The following CROCC2 variants were observed in gnomAD, a reference collection of about 807,000 sequenced individuals.
The protein encoded by CROCC2 is ciliary rootlet coiled-coil protein 2.
A neutral mutation model predicts 177.6 loss-of-function variants in CROCC2; 163 were observed. The observed-to-expected ratio is 0.92, with a 90% CI of 0.81 to 1.05. The LOEUF is 1.05. Among genes scored for constraint, CROCC2 ranks in the 50% least tolerant of loss-of-function variants. The pLI is 0.00. For missense variants in CROCC2, 1,929 were observed against 1,797.8 expected (o/e 1.07, Z -1.32); for synonymous variants, 904 against 787.3 (o/e 1.15, Z -2.48).
intron 1 of CROCC2, among the ~76,000 whole-genome samples, chr2:240,915,453 C>T (rs1408803519): frequency 1.3e-5 from 2 of 152,232 alleles, no homozygotes; most frequent in South Asian, 2.1e-4. Context: ...AGAGCCTCAG[C>T]CCCTGGCCCT....
chr2:240,917,531 C>T lies in CROCC2; in HGVS notation c.79-1195C>T, dbSNP rs190815463. Among the ~76,000 whole-genome samples, 3 of 152,246 alleles carry T rather than the reference C, an allele frequency of 2.0e-5. No homozygotes were observed. The highest frequency in any genetic ancestry group is 2.0e-4 in the Admixed American group (3 of 15,302). On this transcript the variant is annotated intron_variant, in intron 1 of 31. Transcript: ENST00000690015. The surrounding 1 kb of genome is among the most constrained non-coding windows in gnomAD (Gnocchi z 4.9). The stretch of plus-strand genomic sequence containing the variant: ...CAGGAGGCAGCCAGGTGGTCACCCA[C>T]GTGGACCCTGGTCAGGAGGAAAATC...
intron 13 of CROCC2, 135 bp downstream of exon 13, chr2:240,935,197 G>C: frequency 1.6e-6 from 2 of 1,227,222 alleles, no homozygotes; most frequent in Non-Finnish European, 2.1e-6. Context: ...GGACAAGGGA[G>C]CCTGACTAGC....
At chr2:240,933,540 G>T in intron 10 of CROCC2, 130 bp from the exon 11 acceptor site, 1 of 1,193,208 alleles carries the variant, frequency 8.4e-7, no homozygotes, top group Non-Finnish European at 1.2e-6. Context: ...GACCCTGTCT[G>T]CTTCTCAGGC....
intron 1 of CROCC2, among the ~76,000 whole-genome samples, chr2:240,914,863 T>C (rs2059310003): frequency 6.6e-6 from 1 of 152,206 alleles, no homozygotes; most frequent in African/African-American, 2.4e-5. Flanking sequence ...CCGTCCCTGC[T>C]TCAGATGGCT....
In CROCC2 at chr2:240,935,342, C is replaced by A. The variant is rs79986358; in HGVS notation, c.1939-16C>A. On this transcript the variant is annotated splice_polypyrimidine_tract_variant and intron_variant, in intron 13 of 31. Coordinates refer to ENST00000690015, the MANE Select transcript of CROCC2 (RefSeq NM_001351305.2). ...ATGGGGGGAGTGGATGCAGAGCCCC[C>A]GACACCTGGTGGCAGCTGGAGCAGG... 1 of 1,355,464 alleles carries A rather than the reference C, an allele frequency of 7.4e-7. No homozygotes were observed. Among genetic ancestry groups the A allele is most frequent in the East Asian group, 3.0e-5 (1 of 33,828 alleles). The allele number at this position is 1,355,464 out of a possible 1,614,324, so 84.0% of individuals were successfully genotyped here. A position where few individuals can be genotyped will look rare whatever the true frequency, so the allele number is the denominator to read the frequency against.
chr2:240,914,396 G>A (rs989829785), intron 1 of CROCC2, among the ~76,000 whole-genome samples: 6 of 152,238 alleles, frequency 3.9e-5, no homozygotes, highest in Non-Finnish European at 7.3e-5. Context: ...CCTGCGGGCC[G>A]ATGCTGGCGC....
At chr2:240,928,846 C>T (rs2059410727) in intron 5 of CROCC2, among the ~76,000 whole-genome samples, 1 of 145,284 alleles carries the variant, frequency 6.9e-6, no homozygotes, top group African/African-American at 2.5e-5. Flanking sequence ...GTGTAATGCA[C>T]ACAGAGGGGC....
intron 27 of CROCC2, among the ~76,000 whole-genome samples, chr2:240,969,861 G>GTCGGGAT (rs2059709359): frequency 6.6e-6 from 1 of 151,992 alleles, no homozygotes; most frequent in Admixed American, 6.6e-5. Context: ...TTCCCAAGTA[G>GTCGGGAT]TCGGGATTAC....
intron 22 of CROCC2, 143 bp downstream of exon 22, chr2:240,964,768 C>A: frequency 5.7e-6 from 6 of 1,048,918 alleles, no homozygotes; most frequent in Non-Finnish European, 8.1e-6. Flanking sequence ...ACGCCCTGCT[C>A]AGGCTCACAG....
At chr2:240,940,669 G>A (rs2059490524) in intron 14 of CROCC2, among the ~76,000 whole-genome samples, 1 of 152,140 alleles carries the variant, frequency 6.6e-6, no homozygotes, top group Non-Finnish European at 1.5e-5. Flanking sequence ...AAAACCCTCA[G>A]GAAAGTCGGC....
chr2:240,954,953 T>G lies in CROCC2; in HGVS notation c.2830-906T>G, dbSNP rs566395412. 8 of 152,348 alleles carry G rather than the reference T, an allele frequency of 5.3e-5. No individual in the cohort carries two copies. The East Asian group carries it at 1.4e-3, about 26-fold the overall frequency. The allele number at this position is 152,348 out of a possible 1,614,324, so 9.4% of individuals were successfully genotyped here. On this transcript the variant is annotated intron_variant, in intron 18 of 31. Transcript: ENST00000690015. The stretch of plus-strand genomic sequence containing the variant: ...CAAAGACCTGATACATCTTCTGTTA[T>G]GCAACACCCTCCAAAGATTGCTTGC...
intron 14 of CROCC2, among the ~76,000 whole-genome samples, chr2:240,936,663 C>T (rs2059473081): frequency 6.6e-6 from 1 of 152,222 alleles, no homozygotes; most frequent in Admixed American, 6.5e-5. Flanking sequence ...TTCCTTGACC[C>T]TGCCTACAAA....
Position 240,967,373 on chromosome 2 carries a change from T to C in CROCC2, c.4175T>C (p.Leu1392Pro). The C allele has an allele frequency of 2.5e-6, 2 of 787,360 alleles. No homozygotes were observed. Among genetic ancestry groups the C allele is most frequent in the Non-Finnish European group, 4.4e-6 (2 of 451,026 alleles). The allele number at this position is 787,360 out of a possible 1,614,324, so 48.8% of individuals were successfully genotyped here. A position where few individuals can be genotyped will look rare whatever the true frequency, so the allele number is the denominator to read the frequency against. Reference sequence around the variant, plus strand: ...GACTCCCGCATCCAGATGGCGACCCTGAGCAGCCGGCTGAGCGAGGCAGAG... The same window carrying C: ...GACTCCCGCATCCAGATGGCGACCCCGAGCAGCCGGCTGAGCGAGGCAGAG... ...RDDSRIQMAT[L>P]SSRLSEAECR... Residue 1392 changes from leucine (L) to proline (P), a missense_variant, in exon 26 of 32, where the codon CTG (leucine) becomes CCG (proline). By Grantham distance (98) the Leu-to-Pro change is moderately conservative. Around this residue, in one of 3 missense-constraint regions of CROCC2, gnomAD observed 388 missense variants for 352.7 expected, o/e 1.10. Transcript: ENST00000690015.
At chr2:240,985,734 A>ACACAAACCCAGGCACTC (rs2059836488) in intron 28 of CROCC2, among the ~76,000 whole-genome samples, 1 of 106,424 alleles carries the variant, frequency 9.4e-6, no homozygotes, top group Non-Finnish European at 1.9e-5. Flanking sequence ...CACTCACTCC[A>ACACAAACCCAGGCACTC]CACACACACC....
At position 240,960,111 on chromosome 2, in the gene CROCC2, C is replaced by T. The variant is rs2059621445; in HGVS notation, c.3087+667C>T. ...GGCAGCTGTCGCCTCCCAAAGCCTT[C>T]CCGAGAGACAGGCATGACCTGGGGC... On this transcript the variant is annotated intron_variant, in intron 20 of 31. Transcript: ENST00000690015. The surrounding 1 kb of genome is among the most constrained non-coding windows in gnomAD (Gnocchi z 5.0). Among the ~76,000 whole-genome samples the T allele has an allele frequency of 6.6e-6, 1 of 152,234 alleles. No individual in the cohort carries two copies. Among genetic ancestry groups the T allele is most frequent in the Non-Finnish European group, 1.5e-5 (1 of 68,038 alleles).
intron 3 of CROCC2, among the ~76,000 whole-genome samples, chr2:240,922,124 C>G (rs1056421538): frequency 1.3e-5 from 2 of 152,188 alleles, no homozygotes; most frequent in African/African-American, 4.8e-5. Context: ...AAGCCCCTCC[C>G]CCTACACTGA....
rs541449133 is a variant in CROCC2, at chr2:240,917,357, C to T, written c.79-1369C>T. 1.6e-4 allele frequency among the ~76,000 whole-genome samples: 24 copies of T among 152,246 alleles called. 2 individuals are homozygous for T. The South Asian group carries it at 4.8e-3, about 30-fold the overall frequency. On this transcript the variant is annotated intron_variant, in intron 1 of 31. Coordinates refer to ENST00000690015, the MANE Select transcript of CROCC2 (RefSeq NM_001351305.2). This position sits in a 1 kb window ranked among gnomAD's most constrained non-coding sequence, Gnocchi z 4.9. ...AGGAGGCCTGTGTCCAGGGAGCATC[C>T]GGGATAGCCAGACAGCATGCACCAG...
intron 27 of CROCC2, among the ~76,000 whole-genome samples, chr2:240,980,958 C>T (rs1476171792): frequency 1.1e-5 from 1 of 93,102 alleles, no homozygotes; most frequent in Non-Finnish European, 2.0e-5. Context: ...AGGCTCATCC[C>T]TGCTCAGGCT....
intron 14 of CROCC2, among the ~76,000 whole-genome samples, chr2:240,941,359 A>G (rs2059493642): frequency 6.6e-6 from 1 of 152,204 alleles, no homozygotes. Context: ...ACCAAAAAAG[A>G]AGCCACAGAG....
Sources: allele counts gnomAD v4.1 joint callset (sites outside exome capture counted in the v4.1 genomes callset), GRCh38; gene constraint gnomAD v4.1.1; regional missense constraint gnomAD v4.1.1; non-coding constraint Gnocchi (gnomAD v3.1); transcripts MANE v1.5; gene names NCBI Gene and HGNC (gene_info 2026-07-23, HGNC 2026-07-21).